GGCX: variants seen among roughly 807,000 people sequenced by gnomAD.
GGCX encodes gamma-glutamyl carboxylase.
GGCX carries 63 observed loss-of-function variants against 88.5 expected under a neutral mutation model. The observed-to-expected ratio is 0.71, with a 90% confidence interval of 0.58 to 0.88. The LOEUF is 0.88. GGCX is among the 40% of genes least tolerant of loss of function. GGCX has a pLI of 0.00. For missense variants in GGCX, 805 were observed against 932.9 expected (o/e 0.86, Z 1.79); for synonymous variants, 368 against 365.8 (o/e 1.01, Z -0.07).
At chr2:85,551,166 A>T in intron 12 of GGCX, 94 bp from the exon 13 acceptor site, 1 of 1,247,264 alleles carries the variant, frequency 8.0e-7, no homozygotes, top group Non-Finnish European at 1.2e-6. Context: ...CTTTCTACTC[A>T]ATTGTGTTTT....
In GGCX at chr2:85,552,511, G is replaced by A. The variant is rs747368669; in HGVS notation, c.1344C>T (p.Ala448=). 4.3e-6 allele frequency: 7 copies of A among 1,613,458 alleles called. No individual in the cohort carries two copies. Among genetic ancestry groups the A allele is most frequent in the Middle Eastern group, 3.3e-4 (2 of 6,048 alleles). Residue 448 remains alanine (A), a synonymous_variant, in exon 10 of 15, where the codon GCC becomes GCT. Transcript: ENST00000233838. The stretch of plus-strand genomic sequence containing the variant: ...TGGGAAGCAGGCGGCTCAGGCAAGT[G>A]GCATATTGCTTCAGCATGTCTGCAT... ...KDHADMLKQY[A]TCLSRLLPKY...
chr2:85,552,021 C>T (rs1334749801), intron 10 of GGCX, 40 bp from the exon 11 acceptor site: 1 of 1,483,626 alleles, frequency 6.7e-7, no homozygotes, highest in South Asian at 1.1e-5. Flanking sequence ...ATCACAGCCA[C>T]CCACCCACCA....
rs754013695 is a variant in GGCX at position 85,550,089 on chromosome 2, A to G, written c.2122T>C (p.Leu708=). 6.2e-7 allele frequency: 1 copy of G among 1,613,920 alleles called. No individual in the cohort carries two copies. The highest frequency in any genetic ancestry group is 1.1e-5 in the South Asian group (1 of 91,076). Residue 708 remains leucine (L), a synonymous_variant, in exon 15 of 15, where the codon TTA becomes CTA. Coordinates refer to ENST00000233838, the MANE Select transcript of GGCX (RefSeq NM_000821.7). ...AGCTGCTCCAGGGAAGGACGGCCTA[A>G]TATCAGATTTCGAAGTGAGATACAA... ...MTCISLRNLI[L]GRPSLEQLAQ... is the part of the protein sequence containing the mutation.
Position 85,551,852 on chromosome 2 carries a change from T to C in GGCX, c.1569A>G (p.Leu523=), listed in dbSNP as rs557228790. The C allele has an allele frequency of 4.3e-6, 7 of 1,614,024 alleles. No homozygotes were observed. In the East Asian group the frequency reaches 1.3e-4, roughly 31 times the overall value. ...RAKLQEIKSS[L]DNHTEVVFIA... ...TGAAGACCACCTCAGTGTGGTTGTCTAGGCTGCTCTTGATTTCCTGTAACT... is the reference window on the plus strand; with the variant it reads ...TGAAGACCACCTCAGTGTGGTTGTCCAGGCTGCTCTTGATTTCCTGTAACT... The change falls in exon 11 of 15, where the codon CTA becomes CTG. Residue 523 remains leucine, a synonymous_variant. Transcript: ENST00000233838.
In GGCX at chr2:85,547,632, T is replaced by C. The variant is rs1470212265; in HGVS notation, c.*2302A>G. 6.6e-6 allele frequency: 1 copy of C among 152,226 alleles called. No homozygotes were observed. The allele number at this position is 152,226 out of a possible 1,614,324, so 9.4% of individuals were successfully genotyped here. ...AACATAGTGGCAAAGTATCTTCTAT[T>C]GTGTTACTATGAGAGAAGATCTGCA... On this transcript the variant is annotated 3_prime_UTR_variant, in exon 15 of 15. Transcript: ENST00000233838.
chr2:85,558,529 A>AAACACATACCAGTATGGCAGCAGGAAT lies in GGCX; in HGVS notation c.423_449dup (p.Leu141_Val149dup). Reference sequence around the variant, plus strand: ...TGTTCCATGATGTCTTGTCCAGGAGAAACACATACCAGTATGGCAGCAGGA... The same window carrying AAACACATACCAGTATGGCAGCAGGAAT: ...TGTTCCATGATGTCTTGTCCAGGAGAAACACATACCAGTATGGCAGCAGGAATAACACATACCAGTATGGCAGCAGGA... On this transcript the variant is annotated inframe_insertion, in exon 4 of 15. Transcript: ENST00000233838. 6.2e-7 allele frequency: 1 copy of AAACACATACCAGTATGGCAGCAGGAAT among 1,613,168 alleles called. No homozygotes were observed. Among genetic ancestry groups the AAACACATACCAGTATGGCAGCAGGAAT allele is most frequent in the Non-Finnish European group, 8.5e-7 (1 of 1,179,110 alleles).
chr2:85,555,664 G>T, intron 5 of GGCX, 74 bp from the exon 6 acceptor site: 1 of 856,068 alleles, frequency 1.2e-6, no homozygotes, highest in Non-Finnish European at 2.0e-6. Context: ...AAAATAAGGA[G>T]CATATAGTTA....
At position 85,556,235 on chromosome 2, in the gene GGCX, G is replaced by C; in HGVS notation, c.565C>G (p.His189Asp). ...YWSVDGLLNA[H>D]RRNAHVPLWN... is the part of the protein sequence containing the mutation. The stretch of plus-strand genomic sequence containing the variant: ...AGGGGCACGTGGGCATTCCTCCTAT[G>C]GGCATTCAGCAGACCGTCCACAGAC... The change falls in exon 5 of 15, where the codon CAT (histidine) becomes GAT (aspartate). Residue 189 changes from histidine (H) to aspartate (D), a missense_variant. Transcript: ENST00000233838. The C allele has an allele frequency of 1.2e-6, 2 of 1,610,072 alleles. No individual in the cohort carries two copies. The highest frequency in any genetic ancestry group is 1.7e-6 in the Non-Finnish European group (2 of 1,177,616).
At position 85,549,967 on chromosome 2, in the gene GGCX, C is replaced by A; in HGVS notation, c.2244G>T (p.Glu748Asp). 6.2e-7 allele frequency: 1 copy of A among 1,613,790 alleles called. No individual in the cohort carries two copies. Among genetic ancestry groups the A allele is most frequent in the Non-Finnish European group, 8.5e-7 (1 of 1,179,790 alleles). ...CTGAGTGGACAGGATCAGGATTTGA[C>A]TCAGGAGGATTAGAATGTGAAGAAT... ...NTDSSHSNPP[E>D]SNPDPVHSEF The change falls in exon 15 of 15, where the codon GAG becomes GAT. Residue 748 changes from glutamate (E) to aspartate (D), a missense_variant. Glu to Asp is a conservative substitution (Grantham distance 45, BLOSUM62 2). This residue lies in a region of GGCX where 680 missense variants were observed against 763.7 expected (regional missense o/e 0.89). Transcript: ENST00000233838.
At chr2:85,552,329 C>A in intron 10 of GGCX, 87 bp downstream of exon 10, 2 of 1,311,926 alleles carry the variant, frequency 1.5e-6, no homozygotes, top group South Asian at 2.4e-5. Flanking sequence ...GCTTTTTAAG[C>A]AAGACAATAC....
In GGCX at chr2:85,549,874, T is replaced by C. The variant is rs1691847378; in HGVS notation, c.*60A>G. 1 of 1,046,288 alleles carries C rather than the reference T, an allele frequency of 9.6e-7. No homozygotes were observed. The highest frequency in any genetic ancestry group is 2.9e-5 in the East Asian group (1 of 34,774). 64.8% of individuals were successfully genotyped at this position (1,046,288 alleles called of 1,614,324 possible). A position where few individuals can be genotyped will look rare whatever the true frequency, so the allele number is the denominator to read the frequency against. On this transcript the variant is annotated 3_prime_UTR_variant, in exon 15 of 15. Transcript: ENST00000233838. ...AGAATTTTTTTCAAATAAATGTCCA[T>C]TGCATAGAATGGGTCTGTGACTGGC...
At chr2:85,554,716 C>T (rs909151656) in intron 6 of GGCX, 12 of 276,814 alleles carry the variant, frequency 4.3e-5, no homozygotes, top group South Asian at 3.9e-4. Flanking sequence ...AATCCTCCCA[C>T]CCCAGCATCC....
chr2:85,554,047 C>T, intron 7 of GGCX, 96 bp downstream of exon 7: 1 of 989,068 alleles, frequency 1.0e-6, no homozygotes, highest in Non-Finnish European at 1.6e-6. Flanking sequence ...TTAGCTCCTG[C>T]TCACACCACC....
chr2:85,548,269 G>C lies in GGCX; in HGVS notation c.*1665C>G, dbSNP rs1000590084. On this transcript the variant is annotated 3_prime_UTR_variant, in exon 15 of 15. Coordinates refer to ENST00000233838, the MANE Select transcript of GGCX (RefSeq NM_000821.7). ...ACTTGGCAATTTTAAGAAATGCAAGGAAAAAGGAAGAGTCAAGGCTGATGA... is the reference window on the plus strand; with the variant it reads ...ACTTGGCAATTTTAAGAAATGCAAGCAAAAAGGAAGAGTCAAGGCTGATGA... The C allele has an allele frequency of 6.6e-6, 1 of 152,128 alleles. No individual in the cohort carries two copies. The highest frequency in any genetic ancestry group is 1.5e-5 in the Non-Finnish European group (1 of 68,036). 9.4% of individuals were successfully genotyped at this position (152,128 alleles called of 1,614,324 possible). A position where few individuals can be genotyped will look rare whatever the true frequency, so the allele number is the denominator to read the frequency against.
chr2:85,552,407 C>T lies in GGCX; in HGVS notation c.1439+9G>A. 6.2e-7 allele frequency: 1 copy of T among 1,613,244 alleles called. No homozygotes were observed. The highest frequency in any genetic ancestry group is 8.5e-7 in the Non-Finnish European group (1 of 1,179,164). ...TCATTTTTTCCCACTCTCTGCTCCC[C>T]TTGCCCACCTCTGCTGGAAGCGGTC... On this transcript the variant is annotated intron_variant, in intron 10 of 14. Transcript: ENST00000233838.
Position 85,549,078 on chromosome 2 carries a change from A to G in GGCX, c.*856T>C, listed in dbSNP as rs886056374. ...TGCATTTACAACCTGACCACCATCC[A>G]ATTATACTTTTAATTAAGAAAACAT... is the stretch of plus-strand genomic sequence containing the variant. On this transcript the variant is annotated 3_prime_UTR_variant, in exon 15 of 15. Coordinates refer to ENST00000233838, the MANE Select transcript of GGCX (RefSeq NM_000821.7). 6 of 152,320 alleles carry G rather than the reference A, an allele frequency of 3.9e-5. No homozygotes were observed. The highest frequency in any genetic ancestry group is 8.8e-5 in the Non-Finnish European group (6 of 68,028). The allele number at this position is 152,320 out of a possible 1,614,324, so 9.4% of individuals were successfully genotyped here. A position where few individuals can be genotyped will look rare whatever the true frequency, so the allele number is the denominator to read the frequency against.
At position 85,551,051 on chromosome 2, in the gene GGCX, T is replaced by G. The variant is rs1691926054; in HGVS notation, c.1762A>C (p.Lys588Gln). The G allele has an allele frequency of 6.2e-7, 1 of 1,613,810 alleles. No individual in the cohort carries two copies. The change falls in exon 13 of 15, where the codon AAG (lysine) becomes CAG (glutamine). Residue 588 changes from lysine (K) to glutamine (Q), a missense_variant. Lys to Gln is a moderately conservative substitution (Grantham distance 53). Around this residue, in one of 3 missense-constraint regions of GGCX, gnomAD observed 680 missense variants for 763.7 expected, o/e 0.89. Transcript: ENST00000233838. Reference protein sequence around the residue: ...KMQLPAGEYHKVYTTSPSPSC... With the variant: ...KMQLPAGEYHQVYTTSPSPSC... ...GGGCTAGGTGATGTCGTATACACCT[T>G]ATGGTACTCACCAGCAGGCAACTGA... is the stretch of plus-strand genomic sequence containing the variant.
rs1027782773 is a variant in GGCX, at chr2:85,545,445, T to C, written c.*4489A>G. ...CACTCCAGCCTGGGTGACTGAGACT[T>C]TGGCTCTTAAAAAATGCTATCATAT... On this transcript the variant is annotated 3_prime_UTR_variant, in exon 15 of 15. Transcript: ENST00000233838. 1 of 152,236 alleles carries C rather than the reference T, an allele frequency of 6.6e-6. No homozygotes were observed. Among genetic ancestry groups the C allele is most frequent in the African/African-American group, 2.4e-5 (1 of 41,438 alleles). The allele number at this position is 152,236 out of a possible 1,614,324, so 9.4% of individuals were successfully genotyped here. A position where few individuals can be genotyped will look rare whatever the true frequency, so the allele number is the denominator to read the frequency against.
In GGCX at chr2:85,549,846, T is replaced by G; in HGVS notation, c.*88A>C. ...CCCCCCAAAAAAAAAAAAAAAACTTTTGAGAATTTTTTTCAAATAAATGTC... is the reference window on the plus strand; with the variant it reads ...CCCCCCAAAAAAAAAAAAAAAACTTGTGAGAATTTTTTTCAAATAAATGTC... On this transcript the variant is annotated 3_prime_UTR_variant, in exon 15 of 15. Transcript: ENST00000233838. 1.2e-6 allele frequency: 1 copy of G among 822,356 alleles called. No individual in the cohort carries two copies. The highest frequency in any genetic ancestry group is 1.9e-6 in the Non-Finnish European group (1 of 521,056). 50.9% of individuals were successfully genotyped at this position (822,356 alleles called of 1,614,324 possible). A position where few individuals can be genotyped will look rare whatever the true frequency, so the allele number is the denominator to read the frequency against.
Sources: allele counts gnomAD v4.1 joint callset, GRCh38; gene constraint gnomAD v4.1.1; regional missense constraint gnomAD v4.1.1; transcripts MANE v1.5; gene names NCBI Gene and HGNC (gene_info 2026-07-23, HGNC 2026-07-21).